Variants in TSHZ2 observed in about 807,000 individuals in gnomAD.
The protein encoded by TSHZ2 is teashirt homolog 2.
In TSHZ2, 21 loss-of-function variants were observed where a neutral mutation model predicts 74.4. That is an observed-to-expected ratio of 0.28 (90% CI 0.20 to 0.41). The LOEUF is 0.41. Among genes scored for constraint, TSHZ2 ranks in the 10% least tolerant of loss-of-function variants. TSHZ2 has a pLI of 1.00. For synonymous variants in TSHZ2, 540 were observed against 515.3 expected, an observed-to-expected ratio of 1.05 and a Z score of -0.65; for missense variants, 1,244 against 1,293.5, an observed-to-expected ratio of 0.96 and a Z score of 0.59.
chr20:53,473,330 C>A (rs1268400787), intron 2 of TSHZ2, among the ~76,000 whole-genome samples: 2 of 143,272 alleles, frequency 1.4e-5, no homozygotes, highest in African/African-American at 5.3e-5. Flanking sequence ...AGACTGCCTC[C>A]TCAAGTGGGT....
rs1027761458 is a variant in TSHZ2 at position 53,493,114 on chromosome 20, T to C, written c.*5979T>C. Reference sequence around the variant, plus strand: ...TGCATTTTTATAGTGTACATATTTGTATATACTAACTATATCGCCATGTAT... The same window carrying C: ...TGCATTTTTATAGTGTACATATTTGCATATACTAACTATATCGCCATGTAT... On this transcript the variant is annotated 3_prime_UTR_variant, in exon 3 of 3. Transcript: ENST00000371497. The C allele has an allele frequency of 1.3e-5, 2 of 152,266 alleles. No individual in the cohort carries two copies. The highest frequency in any genetic ancestry group is 4.8e-5 in the African/African-American group (2 of 41,470). The allele number at this position is 152,266 out of a possible 1,614,324, so 9.4% of individuals were successfully genotyped here.
intron 1 of TSHZ2, among the ~76,000 whole-genome samples, chr20:53,182,057 T>C (rs6097279): frequency 0.022 from 3,380 of 152,264 alleles, 107 homozygotes; most frequent in African/African-American, 0.077. Context: ...AAACACCTAC[T>C]ACGTGCCACA....
In TSHZ2 at chr20:53,279,216, T is replaced by C. The variant is rs1334267581; in HGVS notation, c.*8+22645T>C. Among the ~76,000 whole-genome samples the C allele has an allele frequency of 4.6e-5, 7 of 152,200 alleles. No individual in the cohort carries two copies. In the East Asian group the frequency reaches 7.7e-4, roughly 17 times the overall value. On this transcript the variant is annotated intron_variant, in intron 2 of 2. Coordinates refer to ENST00000371497, the MANE Select transcript of TSHZ2 (RefSeq NM_173485.6). ...GGTGGCAGAGGCAGAAGAAAATCCA[T>C]GTATAAGTGACCCACACAGTTCAAG...
intron 1 of TSHZ2, among the ~76,000 whole-genome samples, chr20:53,140,195 T>C (rs1356624964): frequency 1.3e-5 from 2 of 152,024 alleles, no homozygotes; most frequent in Non-Finnish European, 2.9e-5. Flanking sequence ...AAATATGCAA[T>C]ATATATAATA....
intron 2 of TSHZ2, among the ~76,000 whole-genome samples, chr20:53,422,160 AAAT>A (rs1447104027): frequency 6.6e-6 from 1 of 152,158 alleles, no homozygotes; most frequent in Non-Finnish European, 1.5e-5. Flanking sequence ...TATGATTATG[AAAT>A]AATAACTAAA....
At chr20:53,337,533 C>G (rs1980002283) in intron 2 of TSHZ2, among the ~76,000 whole-genome samples, 1 of 152,122 alleles carries the variant, frequency 6.6e-6, no homozygotes, top group Admixed American at 6.5e-5. Context: ...CTCAGCCACT[C>G]TAGGAGGGAT....
chr20:53,230,753 G>T (rs199867379), intron 1 of TSHZ2, among the ~76,000 whole-genome samples: 2 of 151,902 alleles, frequency 1.3e-5, no homozygotes, highest in African/African-American at 4.8e-5. Flanking sequence ...TTAGCTGGGC[G>T]TGGTGGTGGC....
chr20:53,142,187 A>G (rs1165990772), intron 1 of TSHZ2, among the ~76,000 whole-genome samples: 4 of 152,246 alleles, frequency 2.6e-5, no homozygotes, highest in Non-Finnish European at 4.4e-5. Flanking sequence ...GTGATTGAAG[A>G]GTACAGGGGA....
rs774084927 is a variant in TSHZ2 at position 53,256,431 on chromosome 20, C to T, written c.2973C>T (p.Asp991=). The change falls in exon 2 of 3, where the codon GAC becomes GAT. Residue 991 remains aspartate, a synonymous_variant. Coordinates refer to ENST00000371497, the MANE Select transcript of TSHZ2 (RefSeq NM_173485.6). This position sits in a 1 kb window ranked among gnomAD's most constrained non-coding sequence, Gnocchi z 4.3. ...CAATAGCTGCCGAAGAGGACACAGA[C>T]TCTAAATTCAAGTGTAAGTTGTGCT... The part of the protein sequence containing the change: ...PETIAAEEDT[D]SKFKCKLCCR... The T allele has an allele frequency of 2.5e-6, 4 of 1,614,134 alleles. No homozygotes were observed. The East Asian group carries it at 8.9e-5, about 36-fold the overall frequency.
At chr20:53,101,427 T>G (rs927871552) in intron 1 of TSHZ2, among the ~76,000 whole-genome samples, 4 of 152,210 alleles carry the variant, frequency 2.6e-5, no homozygotes, top group African/African-American at 9.6e-5. Flanking sequence ...CCAATCATTG[T>G]AGCAACTTTT....
chr20:53,218,071 A>C (rs1989475921), intron 1 of TSHZ2, among the ~76,000 whole-genome samples: 1 of 152,248 alleles, frequency 6.6e-6, no homozygotes, highest in Non-Finnish European at 1.5e-5. Context: ...GGCTCCTTTG[A>C]AGGAGCCGCA....
intron 1 of TSHZ2, among the ~76,000 whole-genome samples, chr20:53,240,768 TAGA>T (rs1990049363): frequency 6.6e-6 from 1 of 151,250 alleles, no homozygotes; most frequent in Non-Finnish European, 1.5e-5. Flanking sequence ...GATAGATAGA[TAGA>T]TATGGTTTTT....
chr20:53,243,407 T>C (rs1241508080), intron 1 of TSHZ2, among the ~76,000 whole-genome samples: 4 of 152,178 alleles, frequency 2.6e-5, no homozygotes, highest in Non-Finnish European at 4.4e-5. Context: ...GATGAAGAGA[T>C]GAAAGCATAT....
chr20:53,186,237 A>G (rs947503639), intron 1 of TSHZ2, among the ~76,000 whole-genome samples: 2 of 152,184 alleles, frequency 1.3e-5, no homozygotes, highest in African/African-American at 4.8e-5. Flanking sequence ...TAGCAGGAAT[A>G]ATTATACCAT....
chr20:53,153,533 G>A (rs567191226), intron 1 of TSHZ2, among the ~76,000 whole-genome samples: 9 of 152,188 alleles, frequency 5.9e-5, no homozygotes, highest in Non-Finnish European at 1.3e-4. Context: ...CAGAATGGAT[G>A]TGAAAGGTGG....
chr20:53,001,766 G>A (rs1347468006), intron 1 of TSHZ2, among the ~76,000 whole-genome samples: 1 of 152,178 alleles, frequency 6.6e-6, no homozygotes. Flanking sequence ...GACATTTCAG[G>A]AAGGTTTAAC....
chr20:52,989,628 T>G (rs920854582), intron 1 of TSHZ2, among the ~76,000 whole-genome samples: 1 of 152,176 alleles, frequency 6.6e-6, no homozygotes, highest in Non-Finnish European at 1.5e-5. Context: ...GTGATACTTA[T>G]TACATACTCA....
rs1435138995 is a variant in TSHZ2, at chr20:53,131,187, C to T, written c.41-122312C>T. ...ATGTGTTTTGTTTTTTTGTGAAACACAAGAAAGTCACCAGGACATCTGTGT... is the reference window on the plus strand; with the variant it reads ...ATGTGTTTTGTTTTTTTGTGAAACATAAGAAAGTCACCAGGACATCTGTGT... On this transcript the variant is annotated intron_variant, in intron 1 of 2. Transcript: ENST00000371497. 3.3e-5 allele frequency among the ~76,000 whole-genome samples: 5 copies of T among 152,280 alleles called. No homozygotes were observed. In the South Asian group the frequency reaches 1.0e-3, roughly 32 times the overall value.
intron 1 of TSHZ2, among the ~76,000 whole-genome samples, chr20:53,219,779 A>G (rs562790175): frequency 2.6e-4 from 39 of 152,350 alleles, no homozygotes; most frequent in Non-Finnish European, 4.9e-4. Context: ...AGAAAAGCCA[A>G]TAATCTGATT....
Sources: allele counts gnomAD v4.1 joint callset (sites outside exome capture counted in the v4.1 genomes callset), GRCh38; gene constraint gnomAD v4.1.1; non-coding constraint Gnocchi (gnomAD v3.1); transcripts MANE v1.5; gene names NCBI Gene and HGNC (gene_info 2026-07-23, HGNC 2026-07-21).